Variants in ACOX2 observed in about 807,000 individuals in gnomAD.
ACOX2 encodes the protein acyl-CoA oxidase 2.
ACOX2 carries 59 observed loss-of-function variants against 77.5 expected under a neutral mutation model. The observed-to-expected ratio is 0.76, with a 90% confidence interval of 0.62 to 0.95. ACOX2 has a LOEUF of 0.95. Among genes scored for constraint, ACOX2 ranks in the 40% least tolerant of loss-of-function variants. The pLI, the probability that ACOX2 is intolerant of heterozygous loss-of-function variation, is 0.00. For synonymous variants in ACOX2, 317 were observed against 340.1 expected (o/e 0.93, Z 0.75); for missense variants, 837 against 880.4 (o/e 0.95, Z 0.62).
Position 58,505,393 on chromosome 3 carries a change from A to G in ACOX2, c.1984-107T>C. The stretch of plus-strand genomic sequence containing the variant: ...GCTTCAAAAAGTAACATTACGTAAG[A>G]TTCTTAATTTTAAAAATTATTTCTA... On this transcript the variant is annotated intron_variant, in intron 14 of 14. Transcript: ENST00000302819. This position sits in a 1 kb window ranked among gnomAD's most constrained non-coding sequence, Gnocchi z 4.4. The G allele has an allele frequency of 3.4e-6, 3 of 895,414 alleles. No individual in the cohort carries two copies. The highest frequency in any genetic ancestry group is 5.0e-6 in the Non-Finnish European group (3 of 603,808). The allele number at this position is 895,414 out of a possible 1,614,324, so 55.5% of individuals were successfully genotyped here.
intron 13 of ACOX2, chr3:58,511,456 A>G (rs1022609022): frequency 8.2e-5 from 19 of 230,420 alleles, no homozygotes; most frequent in South Asian, 1.3e-4. Flanking sequence ...ATTGACTGCT[A>G]TCCTCACAAA....
Position 58,535,476 on chromosome 3 carries a change from A to C in ACOX2, c.-91-279T>G, listed in dbSNP as rs2063475198. Among the ~76,000 whole-genome samples, 1 of 152,190 alleles carries C rather than the reference A, an allele frequency of 6.6e-6. No individual in the cohort carries two copies. The highest frequency in any genetic ancestry group is 2.1e-4 in the South Asian group (1 of 4,830). ...ACATGAATTGCCTAGGGAAATCTTC[A>C]CAAAAAAGTCAGTGAAGCTTACACC... On this transcript the variant is annotated intron_variant, in intron 1 of 14. Coordinates refer to ENST00000302819, the MANE Select transcript of ACOX2 (RefSeq NM_003500.4). This position sits in a 1 kb window ranked among gnomAD's most constrained non-coding sequence, Gnocchi z 4.8.
At chr3:58,506,002 G>C (rs1013564410) in intron 14 of ACOX2, among the ~76,000 whole-genome samples, 1 of 152,130 alleles carries the variant, frequency 6.6e-6, no homozygotes, top group Non-Finnish European at 1.5e-5. Context: ...TGTTGGCCAG[G>C]TTGGTCTCAA....
At chr3:58,527,257 G>A (rs1322893602) in intron 9 of ACOX2, among the ~76,000 whole-genome samples, 1 of 152,002 alleles carries the variant, frequency 6.6e-6, no homozygotes, top group Non-Finnish European at 1.5e-5. Context: ...GCTGCTTCTG[G>A]CTGGGTGTGG....
rs2063341203 is a variant in ACOX2 at position 58,519,040 on chromosome 3, C to G, written c.1633-1617G>C. 6.6e-6 allele frequency among the ~76,000 whole-genome samples: 1 copy of G among 152,092 alleles called. No individual in the cohort carries two copies. Among genetic ancestry groups the G allele is most frequent in the Admixed American group, 6.6e-5 (1 of 15,266 alleles). On this transcript the variant is annotated intron_variant, in intron 12 of 14. Coordinates refer to ENST00000302819, the MANE Select transcript of ACOX2 (RefSeq NM_003500.4). The surrounding 1 kb of genome is among the most constrained non-coding windows in gnomAD (Gnocchi z 5.0). The stretch of plus-strand genomic sequence containing the variant: ...AGACTGTGCATTTCTAACAAGGTCC[C>G]CTGTGATGCCCATGCTGCTGTAGTG...
chr3:58,517,567 C>T, intron 12 of ACOX2, 144 bp from the exon 13 acceptor site: 1 of 694,620 alleles, frequency 1.4e-6, no homozygotes, highest in Admixed American at 2.6e-5. Context: ...TTTCTCCTAG[C>T]TCTGGGTCTG....
rs2063225793 is a variant in ACOX2, at chr3:58,505,247, G to T, written c.2023C>A (p.Gln675Lys). Residue 675 changes from glutamine to lysine, a missense_variant, in exon 15 of 15, where the codon CAA (glutamine) becomes AAA (lysine). Coordinates refer to ENST00000302819, the MANE Select transcript of ACOX2 (RefSeq NM_003500.4). The surrounding 1 kb of genome is among the most constrained non-coding windows in gnomAD (Gnocchi z 4.4). ...TTTCATAGCTTGGATCTCCAACTTTGTAAAAGTGGTCTTATATATTCCTCA... is the reference window on the plus strand; with the variant it reads ...TTTCATAGCTTGGATCTCCAACTTTTTAAAAGTGGTCTTATATATTCCTCA... ...AYEEYIRPLL[Q>K]SWRSKL 3.1e-6 allele frequency: 5 copies of T among 1,613,104 alleles called. No individual in the cohort carries two copies. The highest frequency in any genetic ancestry group is 2.2e-5 in the East Asian group (1 of 44,774).
In ACOX2 at chr3:58,529,757, T is replaced by C. The variant is rs139422480; in HGVS notation, c.992+709A>G. On this transcript the variant is annotated intron_variant, in intron 8 of 14. Transcript: ENST00000302819. ...AAAGGACCCTGGGCTGAGGACTTAA[T>C]GTGCCTTACTGCATTTCACCCTCCA... 3.9e-4 allele frequency among the ~76,000 whole-genome samples: 59 copies of C among 152,340 alleles called. No homozygotes were observed. In the East Asian group the frequency reaches 0.011, roughly 29 times the overall value.
intron 13 of ACOX2, among the ~76,000 whole-genome samples, 159 bp downstream of exon 13, chr3:58,517,047 A>G (rs1232008091): frequency 6.6e-6 from 1 of 151,940 alleles, no homozygotes; most frequent in African/African-American, 2.4e-5. Flanking sequence ...TCATTAATTC[A>G]TAATGCTTTA....
intron 13 of ACOX2, 83 bp downstream of exon 13, chr3:58,517,123 G>A (rs1201926453): frequency 3.4e-6 from 5 of 1,476,082 alleles, no homozygotes; most frequent in Non-Finnish European, 4.7e-6. Flanking sequence ...CATTAGCAAG[G>A]TTTTGGAGTT....
Position 58,533,487 on chromosome 3 carries a change from G to A in ACOX2, c.541C>T (p.His181Tyr), listed in dbSNP as rs1469348525. ...YDAATQEFVI[H>Y]SPTLTATKWW... ...TTGGTGGCAGTCAGCGTGGGGCTGT[G>A]TATCACAAACTCCTGGGTGGCTGCG... Residue 181 changes from histidine (H) to tyrosine (Y), a missense_variant, in exon 5 of 15, where the codon CAC (histidine) becomes TAC (tyrosine). Transcript: ENST00000302819. The surrounding 1 kb of genome is among the most constrained non-coding windows in gnomAD (Gnocchi z 5.6). The A allele has an allele frequency of 1.2e-5, 20 of 1,613,918 alleles. No individual in the cohort carries two copies. Among genetic ancestry groups the A allele is most frequent in the Non-Finnish European group, 1.5e-5 (18 of 1,179,998 alleles).
rs189223021 is a variant in ACOX2 at position 58,533,425 on chromosome 3, G to A, written c.583+20C>T. On this transcript the variant is annotated intron_variant, in intron 5 of 14. Transcript: ENST00000302819. This position sits in a 1 kb window ranked among gnomAD's most constrained non-coding sequence, Gnocchi z 5.6. The stretch of plus-strand genomic sequence containing the variant: ...TTCTACTTGGGGAGAGTTAAGGAAG[G>A]GGGGTGGATGTATACTCACAGTCTC... The A allele has an allele frequency of 3.1e-6, 5 of 1,604,464 alleles. No individual in the cohort carries two copies. Among genetic ancestry groups the A allele is most frequent in the Non-Finnish European group, 4.3e-6 (5 of 1,171,744 alleles).
chr3:58,509,570 C>T lies in ACOX2; in HGVS notation c.1851-545G>A, dbSNP rs540403095. ...AAATAAATAACGAGCATATACCTGT[C>T]TGATTTCCACTTCTTTTTCCTCAGA... On this transcript the variant is annotated intron_variant, in intron 13 of 14. Coordinates refer to ENST00000302819, the MANE Select transcript of ACOX2 (RefSeq NM_003500.4). 2.0e-5 allele frequency among the ~76,000 whole-genome samples: 3 copies of T among 149,640 alleles called. No individual in the cohort carries two copies. The Admixed American group carries it at 2.0e-4, about 10-fold the overall frequency.
rs1336665581 is a variant in ACOX2 at position 58,533,475 on chromosome 3, G to C, written c.553C>G (p.Leu185Val). The C allele has an allele frequency of 6.2e-7, 1 of 1,614,034 alleles. No homozygotes were observed. Among genetic ancestry groups the C allele is most frequent in the South Asian group, 1.1e-5 (1 of 91,074 alleles). ...TQEFVIHSPTLTATKWWPGDL... is the reference protein window; with the variant it reads ...TQEFVIHSPTVTATKWWPGDL... ...CCAGGCCACCATTTGGTGGCAGTCA[G>C]CGTGGGGCTGTGTATCACAAACTCC... The change falls in exon 5 of 15, where the codon CTG (leucine) becomes GTG (valine). Residue 185 changes from leucine to valine, a missense_variant. Transcript: ENST00000302819. This position sits in a 1 kb window ranked among gnomAD's most constrained non-coding sequence, Gnocchi z 5.6.
At chr3:58,511,283 C>G (rs185292227) in intron 13 of ACOX2, 1 of 344,970 alleles carries the variant, frequency 2.9e-6, no homozygotes, top group Non-Finnish European at 5.7e-6. Flanking sequence ...TTTCTTTTTA[C>G]TGTAGGCCTG....
At position 58,526,916 on chromosome 3, in the gene ACOX2, GAA is replaced by G. The variant is rs1257672269; in HGVS notation, c.1156-262_1156-261del. Among the ~76,000 whole-genome samples, 1 of 152,214 alleles carries G rather than the reference GAA, an allele frequency of 6.6e-6. No homozygotes were observed. Among genetic ancestry groups the G allele is most frequent in the African/African-American group, 2.4e-5 (1 of 41,454 alleles). On this transcript the variant is annotated intron_variant, in intron 9 of 14. Transcript: ENST00000302819. This position sits in a 1 kb window ranked among gnomAD's most constrained non-coding sequence, Gnocchi z 4.3. Reference sequence around the variant, plus strand: ...GCCTGGCCAGTGTCTCCAGGATTGGGAAGAGGGTGCTGCCTGGATTGGGCCCA... The same window carrying G: ...GCCTGGCCAGTGTCTCCAGGATTGGGGAGGGTGCTGCCTGGATTGGGCCCA...
rs972238750 is a variant in ACOX2 at position 58,535,264 on chromosome 3, C to T, written c.-91-67G>A. On this transcript the variant is annotated intron_variant, in intron 1 of 14. Coordinates refer to ENST00000302819, the MANE Select transcript of ACOX2 (RefSeq NM_003500.4). The surrounding 1 kb of genome is among the most constrained non-coding windows in gnomAD (Gnocchi z 4.8). Reference sequence around the variant, plus strand: ...GGCTGGTTGGTAGAAGAAAGACATCCCTAAGTACCTGAATGCCACTCCACC... The same window carrying T: ...GGCTGGTTGGTAGAAGAAAGACATCTCTAAGTACCTGAATGCCACTCCACC... The T allele has an allele frequency of 2.4e-6, 2 of 838,362 alleles. No individual in the cohort carries two copies. The highest frequency in any genetic ancestry group is 2.5e-5 in the East Asian group (1 of 40,282). The allele number at this position is 838,362 out of a possible 1,614,324, so 51.9% of individuals were successfully genotyped here. A position where few individuals can be genotyped will look rare whatever the true frequency, so the allele number is the denominator to read the frequency against.
rs2063455563 is a variant in ACOX2 at position 58,533,442 on chromosome 3, C to T, written c.583+3G>A. Reference sequence around the variant, plus strand: ...TAAGGAAGGGGGGTGGATGTATACTCACAGTCTCCAGGCCACCATTTGGTG... The same window carrying T: ...TAAGGAAGGGGGGTGGATGTATACTTACAGTCTCCAGGCCACCATTTGGTG... On this transcript the variant is annotated splice_donor_region_variant and intron_variant, in intron 5 of 14. Coordinates refer to ENST00000302819, the MANE Select transcript of ACOX2 (RefSeq NM_003500.4). The surrounding 1 kb of genome is among the most constrained non-coding windows in gnomAD (Gnocchi z 5.6). The T allele has an allele frequency of 2.5e-6, 4 of 1,613,108 alleles. No individual in the cohort carries two copies. The highest frequency in any genetic ancestry group is 1.3e-5 in the African/African-American group (1 of 74,828).
At position 58,531,280 on chromosome 3, in the gene ACOX2, T is replaced by C. The variant is rs578023477; in HGVS notation, c.790A>G (p.Arg264Gly). Reference sequence around the variant, plus strand: ...GCAAAGCGACTCAGCATGTTCTCCCTGGGGACCCGCACATGGTTCAGCTGC... The same window carrying C: ...GCAAAGCGACTCAGCATGTTCTCCCCGGGGACCCGCACATGGTTCAGCTGC... Reference protein sequence around the residue: ...FLQLNHVRVPRENMLSRFAQV... With the variant: ...FLQLNHVRVPGENMLSRFAQV... The change falls in exon 7 of 15, where the codon AGG becomes GGG. Residue 264 changes from arginine (R) to glycine (G), a missense_variant. Physicochemically the swap from Arg to Gly is moderately radical, Grantham distance 125 (BLOSUM62 -2). Transcript: ENST00000302819. This position sits in a 1 kb window ranked among gnomAD's most constrained non-coding sequence, Gnocchi z 5.8. 3 of 1,613,304 alleles carry C rather than the reference T, an allele frequency of 1.9e-6. No individual in the cohort carries two copies. The East Asian group carries it at 6.7e-5, about 36-fold the overall frequency.
Sources: allele counts gnomAD v4.1 joint callset (sites outside exome capture counted in the v4.1 genomes callset), GRCh38; gene constraint gnomAD v4.1.1; non-coding constraint Gnocchi (gnomAD v3.1); transcripts MANE v1.5; gene names NCBI Gene and HGNC (gene_info 2026-07-23, HGNC 2026-07-21).